Variants in KHNYN observed in about 807,000 individuals in gnomAD.
The protein encoded by KHNYN is protein KHNYN.
KHNYN carries 42 observed loss-of-function variants against 62.7 expected under a neutral mutation model. The ratio of observed to expected loss-of-function variants is 0.67; its 90% CI spans 0.52 to 0.87. The LOEUF is 0.87. Ranked by LOEUF, KHNYN falls within the 40% of genes least tolerant of loss-of-function variation. The pLI is 0.00. For synonymous variants in KHNYN, 347 were observed against 345.6 expected (o/e 1.00, Z -0.04); for missense variants, 829 against 874.1 (o/e 0.95, Z 0.65).
chr14:24,430,436 GC>G (rs757086994), intron 1 of KHNYN: 64 of 1,241,142 alleles, frequency 5.2e-5, no homozygotes, highest in Non-Finnish European at 6.2e-5. Flanking sequence ...CCGAGCTGGA[GC>G]CCCCCCACCC....
chr14:24,434,694 A>T (rs185655608), intron 5 of KHNYN, among the ~76,000 whole-genome samples: 20 of 152,198 alleles, frequency 1.3e-4, no homozygotes, highest in African/African-American at 3.9e-4. Context: ...TGAGCCACCA[A>T]GCCCGGCCAT....
chr14:24,433,461 A>G (rs2043157225), intron 5 of KHNYN, among the ~76,000 whole-genome samples: 1 of 152,258 alleles, frequency 6.6e-6, no homozygotes, highest in African/African-American at 2.4e-5. Flanking sequence ...AACACAACGC[A>G]TGAATAATAG....
chr14:24,436,848 T>C (rs2043212665), intron 7 of KHNYN, among the ~76,000 whole-genome samples, 188 bp from the exon 8 acceptor site: 2 of 152,210 alleles, frequency 1.3e-5, no homozygotes, highest in African/African-American at 4.8e-5. Flanking sequence ...TCACCCTGTT[T>C]CTAAAAGAAC....
chr14:24,439,901 C>A lies in KHNYN; in HGVS notation c.*2616C>A. 1.7e-6 allele frequency: 1 copy of A among 572,240 alleles called. No individual in the cohort carries two copies. The highest frequency in any genetic ancestry group is 3.0e-6 in the Non-Finnish European group (1 of 330,718). The allele number at this position is 572,240 out of a possible 1,614,324, so 35.4% of individuals were successfully genotyped here. A position where few individuals can be genotyped will look rare whatever the true frequency, so the allele number is the denominator to read the frequency against. On this transcript the variant is annotated 3_prime_UTR_variant, in exon 8 of 8. Coordinates refer to ENST00000553935, the MANE Select transcript of KHNYN (RefSeq NM_015299.3). Reference sequence around the variant, plus strand: ...TACAAGGAGTTGAAAAGATTAATGTCCCAACCTGATGAGATTACGGCCTTG... The same window carrying A: ...TACAAGGAGTTGAAAAGATTAATGTACCAACCTGATGAGATTACGGCCTTG...
intron 1 of KHNYN, chr14:24,430,367 TG>T: frequency 1.1e-6 from 1 of 929,810 alleles, no homozygotes; most frequent in Non-Finnish European, 1.3e-6. Flanking sequence ...AATCCCCTGC[TG>T]AGGATTCGTC....
In KHNYN at chr14:24,441,474, T is replaced by A; in HGVS notation, c.*4189T>A. On this transcript the variant is annotated 3_prime_UTR_variant, in exon 8 of 8. Coordinates refer to ENST00000553935, the MANE Select transcript of KHNYN (RefSeq NM_015299.3). ...TGGACTTTTCCCTGGCATTGAGTGA[T>A]GCCACTCCCCACTGTTTTTTCAGGG... 1 of 543,598 alleles carries A rather than the reference T, an allele frequency of 1.8e-6. No individual in the cohort carries two copies. Among genetic ancestry groups the A allele is most frequent in the South Asian group, 2.7e-5 (1 of 37,398 alleles). 33.7% of individuals were successfully genotyped at this position (543,598 alleles called of 1,614,324 possible). A position where few individuals can be genotyped will look rare whatever the true frequency, so the allele number is the denominator to read the frequency against.
chr14:24,431,104 C>T lies in KHNYN; in HGVS notation c.201+173C>T, dbSNP rs572556824. 997 of 645,332 alleles carry T rather than the reference C, an allele frequency of 1.5e-3. 21 individuals carry two copies. In the South Asian group the frequency reaches 0.02, roughly 13 times the overall value. 40.0% of individuals were successfully genotyped at this position (645,332 alleles called of 1,614,324 possible). A position where few individuals can be genotyped will look rare whatever the true frequency, so the allele number is the denominator to read the frequency against. ...CTGAGTTTTGAGGGACTTTCCAACT[C>T]TATATTTGTTTTCAGTTTCAGCTTA... On this transcript the variant is annotated intron_variant, in intron 2 of 7. Coordinates refer to ENST00000553935, the MANE Select transcript of KHNYN (RefSeq NM_015299.3).
At chr14:24,429,884 T>C, upstream of KHNYN, 11 of 1,011,964 alleles carry the variant, frequency 1.1e-5, no homozygotes, top group Non-Finnish European at 1.3e-5. Flanking sequence ...GCGGCGGGGT[T>C]GGGAGGAGGG....
At chr14:24,436,539 T>C in intron 7 of KHNYN, 50 bp downstream of exon 7, 1 of 1,362,778 alleles carries the variant, frequency 7.3e-7, no homozygotes, top group Non-Finnish European at 1.0e-6. Context: ...CCTGGCCCTC[T>C]CTCAGCAGGC....
At position 24,441,583 on chromosome 14, in the gene KHNYN, G is replaced by C. The variant is rs2043339412; in HGVS notation, c.*4298G>C. The C allele has an allele frequency of 9.0e-7, 1 of 1,113,112 alleles. No homozygotes were observed. The highest frequency in any genetic ancestry group is 1.5e-5 in the African/African-American group (1 of 65,904). 69.0% of individuals were successfully genotyped at this position (1,113,112 alleles called of 1,614,324 possible). On this transcript the variant is annotated 3_prime_UTR_variant, in exon 8 of 8. Coordinates refer to ENST00000553935, the MANE Select transcript of KHNYN (RefSeq NM_015299.3). ...CTAGGAAGTCATTTTGCCTGGAAAA[G>C]ACCAGTGCTCTGGTGTGTGCATAGC...
chr14:24,432,557 T>C lies in KHNYN; in HGVS notation c.1296T>C (p.Pro432=), dbSNP rs1208463730. 1 of 1,609,866 alleles carries C rather than the reference T, an allele frequency of 6.2e-7. No individual in the cohort carries two copies. The highest frequency in any genetic ancestry group is 8.5e-7 in the Non-Finnish European group (1 of 1,176,988). Residue 432 remains proline, a synonymous_variant, in exon 3 of 8, where the codon CCT becomes CCC. Coordinates refer to ENST00000553935, the MANE Select transcript of KHNYN (RefSeq NM_015299.3). The surrounding 1 kb of genome is among the most constrained non-coding windows in gnomAD (Gnocchi z 5.6). ...TCACCCTGTGCCTTGCCAATGTGCCTGGCCAGCCAGACCTCCGCCATATTG... is the reference window on the plus strand; with the variant it reads ...TCACCCTGTGCCTTGCCAATGTGCCCGGCCAGCCAGACCTCCGCCATATTG... ...DPFTLCLANV[P]GQPDLRHIVI... is the part of the protein sequence containing the mutation.
upstream of KHNYN, chr14:24,428,082 T>C: frequency 7.1e-7 from 1 of 1,414,156 alleles, no homozygotes; most frequent in Non-Finnish European, 9.7e-7. Context: ...TGGGTTTTAA[T>C]GGGCTCTCCC....
At chr14:24,431,014 G>A in intron 2 of KHNYN, 83 bp downstream of exon 2, 1 of 1,283,874 alleles carries the variant, frequency 7.8e-7, no homozygotes, top group Non-Finnish European at 1.1e-6. Context: ...GAGGAGAGCA[G>A]GGAAGAGGAG....
At chr14:24,426,502 A>G (rs1196234779), upstream of KHNYN, 1 of 152,216 alleles carries the variant, frequency 6.6e-6, no homozygotes, top group Non-Finnish European at 1.5e-5. Flanking sequence ...TCACCTTGGT[A>G]TTTCCTATTT....
intron 7 of KHNYN, 63 bp downstream of exon 7, chr14:24,436,552 A>G: frequency 8.0e-7 from 1 of 1,249,456 alleles, no homozygotes; most frequent in Non-Finnish European, 1.1e-6. Context: ...CAGCAGGCCC[A>G]GAGACTTGGG....
At chr14:24,434,381 C>T (rs2043173083) in intron 5 of KHNYN, 3 of 984,922 alleles carry the variant, frequency 3.0e-6, no homozygotes, top group African/African-American at 1.7e-5. Context: ...ATACCATTTG[C>T]ATACCATAAG....
At chr14:24,435,435 T>TG (rs984973749) in intron 5 of KHNYN, 3 of 152,352 alleles carry the variant, frequency 2.0e-5, no homozygotes, top group Admixed American at 6.6e-5. Flanking sequence ...CATGCTTTCT[T>TG]GGGGCAGGGC....
Position 24,441,028 on chromosome 14 carries a change from C to A in KHNYN, c.*3743C>A. 1.6e-6 allele frequency: 2 copies of A among 1,280,738 alleles called. No individual in the cohort carries two copies. Among genetic ancestry groups the A allele is most frequent in the Non-Finnish European group, 2.2e-6 (2 of 891,108 alleles). The allele number at this position is 1,280,738 out of a possible 1,614,324, so 79.3% of individuals were successfully genotyped here. A position where few individuals can be genotyped will look rare whatever the true frequency, so the allele number is the denominator to read the frequency against. ...CCTCACCTTCTCTGGCCCTTAGGAT[C>A]TCCCCATTTGGAGACAGAGCCATTT... On this transcript the variant is annotated 3_prime_UTR_variant, in exon 8 of 8. Transcript: ENST00000553935.
chr14:24,429,438 TGTGA>T (rs1481907767), upstream of KHNYN: 1 of 513,830 alleles, frequency 1.9e-6, no homozygotes, highest in East Asian at 5.3e-5. Context: ...TGACAGAATG[TGTGA>T]GTGTGTGCAT....
Sources: allele counts gnomAD v4.1 joint callset (sites outside exome capture counted in the v4.1 genomes callset), GRCh38; gene constraint gnomAD v4.1.1; non-coding constraint Gnocchi (gnomAD v3.1); transcripts MANE v1.5; gene names NCBI Gene and HGNC (gene_info 2026-07-23, HGNC 2026-07-21).